The following ANKRD30A variants were observed in gnomAD, a reference collection of about 807,000 sequenced individuals.
ANKRD30A encodes the protein ankyrin repeat domain 30A.
Under a neutral mutation model 166.3 loss-of-function variants are expected in ANKRD30A, and 170 were observed. The observed-to-expected ratio is 1.02, with a 90% CI of 0.90 to 1.16. The LOEUF (loss-of-function observed/expected upper bound fraction) is 1.16, where lower values mean the gene tolerates loss of function less well. Ranked by LOEUF, ANKRD30A falls within the 50% of genes most tolerant of loss-of-function variation. ANKRD30A has a pLI of 0.00. For synonymous variants in ANKRD30A, 564 were observed against 508.9 expected (o/e 1.11, Z -1.46); for missense variants, 1,630 against 1,518.0 (o/e 1.07, Z -1.23).
downstream of ANKRD30A, among the ~76,000 whole-genome samples, chr10:37,234,418 A>C (rs1324615559): frequency 6.6e-6 from 1 of 152,188 alleles, no homozygotes; most frequent in Non-Finnish European, 1.5e-5. Context: ...ATAAAGATTT[A>C]TTCCACATTA....
intron 31 of ANKRD30A, among the ~76,000 whole-genome samples, chr10:37,210,338 C>T (rs1177690510): frequency 6.6e-6 from 1 of 152,074 alleles, no homozygotes; most frequent in African/African-American, 2.4e-5. Context: ...TGTATATGTG[C>T]CACATTTTCT....
At chr10:37,196,072 A>G (rs138944865) in intron 27 of ANKRD30A, among the ~76,000 whole-genome samples, 8,986 of 149,996 alleles carry the variant, frequency 0.06, 392 homozygotes, top group Middle Eastern at 0.11. Context: ...CTACAGAGTT[A>G]GAGGTTTTTT....
At position 37,161,178 on chromosome 10, in the gene ANKRD30A, C is replaced by G. The variant is rs146513852; in HGVS notation, c.1901-1471C>G. ...TGATGCTGGTGGTCCTTGGAGCTTG[C>G]TCTGAGTAGCAAAAGGAGAGGCCTT... On this transcript the variant is annotated intron_variant, in intron 15 of 35. Coordinates refer to ENST00000361713, the MANE Select transcript of ANKRD30A (RefSeq NM_052997.3). Among the ~76,000 whole-genome samples, 224 of 152,254 alleles carry G rather than the reference C, an allele frequency of 1.5e-3. 1 individual carries two copies. The highest frequency in any genetic ancestry group is 0.012 in the East Asian group (61 of 5,168).
rs1840165122 is a variant in ANKRD30A, at chr10:37,183,355, T to G, written c.2422-6112T>G. ...ATTATGTGAACTATTAGGCCCCCGG[T>G]GTATTTGTTGAACTTCAGAGATGCT... is the stretch of plus-strand genomic sequence containing the variant. On this transcript the variant is annotated intron_variant, in intron 24 of 35. Transcript: ENST00000361713. Among the ~76,000 whole-genome samples, 3 of 145,026 alleles carry G rather than the reference T, an allele frequency of 2.1e-5. 1 individual carries two copies. The South Asian group carries it at 6.8e-4, about 33-fold the overall frequency.
rs1837969767 is a variant in ANKRD30A at position 37,151,950 on chromosome 10, C to T, written c.1646-110C>T. 10 of 919,642 alleles carry T rather than the reference C, an allele frequency of 1.1e-5. No individual in the cohort carries two copies. In the South Asian group the frequency reaches 1.7e-4, roughly 16 times the overall value. The allele number at this position is 919,642 out of a possible 1,614,324, so 57.0% of individuals were successfully genotyped here. A position where few individuals can be genotyped will look rare whatever the true frequency, so the allele number is the denominator to read the frequency against. ...GTAATCGACAAAAAGAATATACGGG[C>T]CACAGAGGAAAAACCACAGATTCGT... On this transcript the variant is annotated intron_variant, in intron 11 of 35. Transcript: ENST00000361713.
intron 31 of ANKRD30A, among the ~76,000 whole-genome samples, chr10:37,214,271 T>A (rs1406626125): frequency 6.6e-6 from 1 of 151,652 alleles, no homozygotes; most frequent in African/African-American, 2.4e-5. Flanking sequence ...TGTTGTTTCA[T>A]CTTTAATCAA....
Position 37,191,330 on chromosome 10 carries a change from A to G in ANKRD30A, c.2513-1734A>G, listed in dbSNP as rs547013422. 3.3e-5 allele frequency among the ~76,000 whole-genome samples: 5 copies of G among 152,158 alleles called. No homozygotes were observed. In the East Asian group the frequency reaches 9.6e-4, roughly 29 times the overall value. The stretch of plus-strand genomic sequence containing the variant: ...TCTAAATATATATCCAAGCTGATCA[A>G]TTCATAACACTTTTTCTGATGAGAT... On this transcript the variant is annotated intron_variant, in intron 25 of 35. Transcript: ENST00000361713.
chr10:37,223,278 A>T (rs1226136451), intron 34 of ANKRD30A, among the ~76,000 whole-genome samples: 1 of 151,344 alleles, frequency 6.6e-6, no homozygotes, highest in African/African-American at 2.4e-5. Context: ...CATAGAAAAC[A>T]CATACACTTT....
chr10:37,242,071 A>T, the ANKRD30A span: 2 of 152,182 alleles, frequency 1.3e-5, no homozygotes, highest in Admixed American at 6.5e-5. Flanking sequence ...TGTCTATAAT[A>T]TTCCTTGTTG....
chr10:37,166,702 A>T lies in ANKRD30A; in HGVS notation c.2155+7A>T, dbSNP rs757457991. 1.2e-6 allele frequency: 2 copies of T among 1,605,314 alleles called. No individual in the cohort carries two copies. Among genetic ancestry groups the T allele is most frequent in the Non-Finnish European group, 1.7e-6 (2 of 1,177,818 alleles). On this transcript the variant is annotated splice_region_variant and intron_variant, in intron 19 of 35. Coordinates refer to ENST00000361713, the MANE Select transcript of ANKRD30A (RefSeq NM_052997.3). Reference sequence around the variant, plus strand: ...ATAAATGGAAAATTAGAAGGTAAGAACCGTTTTTTATTTAAAAATCATTTG... The same window carrying T: ...ATAAATGGAAAATTAGAAGGTAAGATCCGTTTTTTATTTAAAAATCATTTG...
intron 31 of ANKRD30A, among the ~76,000 whole-genome samples, chr10:37,212,455 T>G (rs184918637): frequency 6.6e-6 from 1 of 152,142 alleles, no homozygotes; most frequent in African/African-American, 2.4e-5. Flanking sequence ...CAAGGTAATT[T>G]ATCGATTCAA....
chr10:37,218,955 TA>T, intron 33 of ANKRD30A, 24 bp from the exon 34 acceptor site: 1 of 1,479,262 alleles, frequency 6.8e-7, no homozygotes, highest in Non-Finnish European at 9.2e-7. Flanking sequence ...GAGTGCTAGC[TA>T]AAAGTTTATT....
intron 9 of ANKRD30A, among the ~76,000 whole-genome samples, chr10:37,149,187 A>G (rs1837725363): frequency 1.3e-5 from 2 of 152,048 alleles, no homozygotes. Flanking sequence ...TGAACTAAGT[A>G]TATATCCAAG....
chr10:37,245,722 G>A, the ANKRD30A span, among the ~76,000 whole-genome samples: 1 of 152,108 alleles, frequency 6.6e-6, no homozygotes. Flanking sequence ...TGCAATCAAG[G>A]TGTCAGCTGG....
At chr10:37,251,169 A>T in the ANKRD30A span, among the ~76,000 whole-genome samples, 2 of 152,202 alleles carry the variant, frequency 1.3e-5, no homozygotes, top group Non-Finnish European at 2.9e-5. Context: ...ACAATCTGGC[A>T]AGAGTAGGGG....
intron 15 of ANKRD30A, among the ~76,000 whole-genome samples, chr10:37,161,863 G>A (rs188768917): frequency 3.4e-4 from 52 of 152,202 alleles, no homozygotes; most frequent in African/African-American, 1.1e-3. Context: ...CGAACCAGAC[G>A]AATTGTAGGA....
At chr10:37,166,406 A>G (rs1279106497) in intron 18 of ANKRD30A, among the ~76,000 whole-genome samples, 199 bp from the exon 19 acceptor site, 1 of 152,148 alleles carries the variant, frequency 6.6e-6, no homozygotes, top group Non-Finnish European at 1.5e-5. Context: ...GTGAACGTAA[A>G]GATGAGCTTG....
rs537405691 is a variant in ANKRD30A, at chr10:37,133,736, G to A, written c.618-180G>A. ...GCCAATTCTAGTGTGCCATATCCCCGTGGGACATGAATCTTTTTGCTCCTT... is the reference window on the plus strand; with the variant it reads ...GCCAATTCTAGTGTGCCATATCCCCATGGGACATGAATCTTTTTGCTCCTT... On this transcript the variant is annotated intron_variant, in intron 4 of 35. Transcript: ENST00000361713. 1.2e-4 allele frequency among the ~76,000 whole-genome samples: 19 copies of A among 152,258 alleles called. No individual in the cohort carries two copies. In the East Asian group the frequency reaches 2.1e-3, roughly 17 times the overall value.
intron 1 of ANKRD30A, 22 bp from the exon 2 acceptor site, chr10:37,129,871 A>T: frequency 7.0e-7 from 1 of 1,437,048 alleles, no homozygotes; most frequent in South Asian, 1.7e-5. Context: ...AACTTTGCCA[A>T]AAAGTCCTCT....
Sources: gnomAD v4.1 joint callset for allele counts (sites outside exome capture counted in the v4.1 genomes callset) on GRCh38, gnomAD v4.1.1 for gene constraint, MANE v1.5 for transcripts, NCBI Gene and HGNC (gene_info 2026-07-23, HGNC 2026-07-21) for gene names.